Variants in TNFSF11 observed in about 807,000 individuals in gnomAD.
The protein encoded by TNFSF11 is tumor necrosis factor ligand superfamily member 11.
In TNFSF11, 12 loss-of-function variants were observed where a neutral mutation model predicts 32.2. The observed-to-expected ratio is 0.37, with a 90% confidence interval of 0.24 to 0.60. TNFSF11 has a LOEUF of 0.60. TNFSF11 is among the 20% of genes least tolerant of loss of function. The pLI is 0.66. For synonymous variants in TNFSF11, 172 were observed against 152.1 expected, an observed-to-expected ratio of 1.13 and a Z score of -0.96; for missense variants, 345 against 398.0, an observed-to-expected ratio of 0.87 and a Z score of 1.13.
chr13:42,563,342 A>G (rs1872740330), intron 1 of TNFSF11, among the ~76,000 whole-genome samples: 4 of 152,238 alleles, frequency 2.6e-5, no homozygotes, highest in Admixed American at 2.6e-4. Flanking sequence ...AAAAGTGACC[A>G]GAGGACTTTT....
Position 42,576,033 on chromosome 13 carries a change from A to G in TNFSF11, c.219+1511A>G, listed in dbSNP as rs561469282. Among the ~76,000 whole-genome samples the G allele has an allele frequency of 5.3e-5, 8 of 152,376 alleles. No individual in the cohort carries two copies. In the South Asian group the frequency reaches 1.7e-3, roughly 32 times the overall value. The stretch of plus-strand genomic sequence containing the variant: ...CAGACAGTGTCCACTTACTATGGGC[A>G]TGGAGCCAGATAGCAGAGTGGCCTA... On this transcript the variant is annotated intron_variant, in intron 1 of 4. Transcript: ENST00000398795.
At chr13:42,588,467 A>G (rs947751515) in intron 2 of TNFSF11, among the ~76,000 whole-genome samples, 3 of 152,218 alleles carry the variant, frequency 2.0e-5, no homozygotes, top group Non-Finnish European at 4.4e-5. Flanking sequence ...AGGAGCCTTC[A>G]TTATGTGGCC....
At chr13:42,600,682 GC>G in intron 2 of TNFSF11, 69 bp from the exon 3 acceptor site, 1 of 1,482,304 alleles carries the variant, frequency 6.7e-7, no homozygotes, top group South Asian at 1.2e-5. Flanking sequence ...ATATGTAACA[GC>G]CCTGAATTCT....
At chr13:42,562,836 A>G (rs934771075) in exon 1 of TNFSF11, 1 of 152,268 alleles carries the variant, frequency 6.6e-6, no homozygotes, top group East Asian at 1.9e-4. Context: ...ACAACAAGGC[A>G]GAATGTGTAC....
chr13:42,577,259 G>A (rs758132008), intron 1 of TNFSF11, among the ~76,000 whole-genome samples: 1 of 152,174 alleles, frequency 6.6e-6, no homozygotes, highest in Non-Finnish European at 1.5e-5. Context: ...TTAAAAGAAT[G>A]CCCAGAATAG....
rs150156290 is a variant in TNFSF11, at chr13:42,578,412, G to A, written c.220-2714G>A. On this transcript the variant is annotated intron_variant, in intron 1 of 4. Transcript: ENST00000398795. ...TTGCACCCTGAACCTCTCCTCCTCCGTTTTCTCCTAGTCTCCATTTTCAGG... is the reference window on the plus strand; with the variant it reads ...TTGCACCCTGAACCTCTCCTCCTCCATTTTCTCCTAGTCTCCATTTTCAGG... Among the ~76,000 whole-genome samples, 7 of 152,222 alleles carry A rather than the reference G, an allele frequency of 4.6e-5. No individual in the cohort carries two copies. In the East Asian group the frequency reaches 7.7e-4, roughly 17 times the overall value.
chr13:42,563,389 G>A (rs1239766652), intron 1 of TNFSF11, among the ~76,000 whole-genome samples: 7 of 152,184 alleles, frequency 4.6e-5, no homozygotes, highest in Admixed American at 3.9e-4. Flanking sequence ...TAGGCTGGAC[G>A]GGGTGGCTCA....
intron 2 of TNFSF11, among the ~76,000 whole-genome samples, chr13:42,596,166 T>G (rs1251968089): frequency 2.0e-5 from 3 of 152,164 alleles, no homozygotes; most frequent in Non-Finnish European, 2.9e-5. Context: ...TCCAGCTTTG[T>G]GGAGTGGACT....
rs1205570517 is a variant in TNFSF11, at chr13:42,607,722, C to T, written c.*804C>T. The stretch of plus-strand genomic sequence containing the variant: ...TAAGCAGGATGTTGGCCACCAGGTG[C>T]CTTTCAAATTTAGAAACTAATTGAC... On this transcript the variant is annotated 3_prime_UTR_variant, in exon 5 of 5. Transcript: ENST00000398795. 1 of 152,684 alleles carries T rather than the reference C, an allele frequency of 6.5e-6. No individual in the cohort carries two copies. The highest frequency in any genetic ancestry group is 1.5e-5 in the Non-Finnish European group (1 of 68,026). The allele number at this position is 152,684 out of a possible 1,614,324, so 9.5% of individuals were successfully genotyped here.
At chr13:42,565,226 A>T (rs200959432) in intron 1 of TNFSF11, among the ~76,000 whole-genome samples, 28 of 10,002 alleles carry the variant, frequency 2.8e-3, no homozygotes, top group African/African-American at 7.5e-3. Context: ...ATATATATAT[A>T]TATATTTTTT....
chr13:42,577,661 G>A (rs771930506), intron 1 of TNFSF11, among the ~76,000 whole-genome samples: 6 of 151,836 alleles, frequency 4.0e-5, no homozygotes, highest in Non-Finnish European at 7.4e-5. Flanking sequence ...TTCTTCCCTC[G>A]ATCCCCCAAT....
intron 2 of TNFSF11, among the ~76,000 whole-genome samples, chr13:42,589,619 T>A (rs529979125): frequency 6.6e-5 from 10 of 152,200 alleles, no homozygotes; most frequent in Non-Finnish European, 1.5e-4. Context: ...GAATGCTCCA[T>A]GTCATCGCCT....
At chr13:42,598,740 A>G (rs1868960526) in intron 2 of TNFSF11, among the ~76,000 whole-genome samples, 1 of 152,252 alleles carries the variant, frequency 6.6e-6, no homozygotes, top group African/African-American at 2.4e-5. Context: ...CAGGTAGTAG[A>G]GCGCCATGAG....
intron 2 of TNFSF11, among the ~76,000 whole-genome samples, chr13:42,567,149 CA>C (rs1349399297): frequency 2.6e-5 from 4 of 151,944 alleles, no homozygotes; most frequent in African/African-American, 9.7e-5. Flanking sequence ...ATTCAGGAAA[CA>C]TTTAGGAAAT....
intron 1 of TNFSF11, among the ~76,000 whole-genome samples, chr13:42,580,282 T>G (rs1289242557): frequency 1.3e-5 from 2 of 151,810 alleles, no homozygotes; most frequent in Non-Finnish European, 2.9e-5. Context: ...TTTTAAAGAG[T>G]AGTGATTAAA....
chr13:42,588,170 T>C (rs1873988628), intron 2 of TNFSF11, among the ~76,000 whole-genome samples: 1 of 152,232 alleles, frequency 6.6e-6, no homozygotes, highest in African/African-American at 2.4e-5. Context: ...TTAGCGTTTA[T>C]AAAAGCTGTC....
chr13:42,599,349 C>CATCTATCTATCTATCATCTATCT, intron 2 of TNFSF11, among the ~76,000 whole-genome samples: 1 of 112,246 alleles, frequency 8.9e-6, no homozygotes, highest in South Asian at 3.6e-4. Context: ...ATCTATCTAT[C>CATCTATCTATCTATCATCTATCT]ATCTATCTAT....
At chr13:42,605,777 G>A (rs1479697359) in intron 4 of TNFSF11, among the ~76,000 whole-genome samples, 8 of 152,194 alleles carry the variant, frequency 5.3e-5, no homozygotes, top group Non-Finnish European at 1.5e-5. Context: ...GAGCTTCTCT[G>A]GAGTTAGCTT....
intron 2 of TNFSF11, among the ~76,000 whole-genome samples, chr13:42,595,892 G>A (rs1868779965): frequency 1.3e-5 from 2 of 152,210 alleles, no homozygotes; most frequent in Admixed American, 6.5e-5. Context: ...TGAATGATAA[G>A]ATTTTGGAAT....
Sources: gnomAD v4.1 joint callset for allele counts (sites outside exome capture counted in the v4.1 genomes callset) on GRCh38, gnomAD v4.1.1 for gene constraint, MANE v1.5 for transcripts, NCBI Gene and HGNC (gene_info 2026-07-23, HGNC 2026-07-21) for gene names.